Variants in OR4Q3 observed in about 807,000 individuals in gnomAD.
OR4Q3 encodes olfactory receptor family 4 subfamily Q member 3, also known as olfactory receptor 4Q3.
In OR4Q3, 17 loss-of-function variants were observed where a neutral mutation model predicts 18.8. That is an observed-to-expected ratio of 0.91 (90% CI 0.62 to 1.36). The LOEUF is 1.36. Ranked by LOEUF, OR4Q3 falls within the 40% of genes most tolerant of loss-of-function variation. The pLI, the probability that OR4Q3 is intolerant of heterozygous loss-of-function variation, is 0.00. For missense variants in OR4Q3, 378 were observed against 373.4 expected (o/e 1.01, Z -0.10); for synonymous variants, 158 against 145.8 (o/e 1.08, Z -0.60).
At chr14:19,744,833 A>G in intron 1 of OR4Q3, among the ~76,000 whole-genome samples, 17 of 152,144 alleles carry the variant, frequency 1.1e-4, no homozygotes, top group Admixed American at 5.9e-4. Flanking sequence ...TGGGGTGTAG[A>G]CATTCCTTCA....
At chr14:19,750,814 T>TA, downstream of OR4Q3, among the ~76,000 whole-genome samples, 169 of 152,354 alleles carry the variant, frequency 1.1e-3, no homozygotes, top group African/African-American at 3.8e-3. Flanking sequence ...GAGAATGACA[T>TA]ACCTGGAACA....
exon 2 of OR4Q3, chr14:19,748,533 G>C: frequency 1.6e-6 from 1 of 625,488 alleles, no homozygotes; most frequent in African/African-American, 1.9e-5. Context: ...AGCATAGGTG[G>C]CACTCTAGAA....
intron 1 of OR4Q3, among the ~76,000 whole-genome samples, chr14:19,746,049 A>T: frequency 6.6e-6 from 1 of 151,972 alleles, no homozygotes; most frequent in East Asian, 1.9e-4. Context: ...TTGTCATTAG[A>T]GGTTTTCATT....
At chr14:19,748,449 C>A in exon 2 of OR4Q3, 3 of 1,034,488 alleles carry the variant, frequency 2.9e-6, no homozygotes, top group Non-Finnish European at 2.8e-6. Context: ...GGGTAAAAAC[C>A]ACTTTGATGA....
downstream of OR4Q3, chr14:19,749,563 C>T: frequency 3.9e-5 from 5 of 127,116 alleles, no homozygotes; most frequent in East Asian, 1.2e-3. Context: ...CGCACCACTG[C>T]ACTCCAGCCT....
exon 2 of OR4Q3, chr14:19,748,152 C>T: frequency 9.3e-6 from 15 of 1,613,956 alleles, no homozygotes; most frequent in East Asian, 2.2e-5. Context: ...TCTACCTGTG[C>T]TTCTCACCTG....
chr14:19,744,896 A>T, intron 1 of OR4Q3, among the ~76,000 whole-genome samples: 10,620 of 151,012 alleles, frequency 0.07, 199 homozygotes, highest in African/African-American at 0.13. Flanking sequence ...CACAGGCTTA[A>T]TTTCTTATTG....
At chr14:19,749,991 C>CT, downstream of OR4Q3, among the ~76,000 whole-genome samples, 96,335 of 137,690 alleles carry the variant, frequency 0.7, 30,165 homozygotes, top group South Asian at 0.82. Context: ...CTTTCTTCTT[C>CT]TTTTTTTTTT....
exon 2 of OR4Q3, chr14:19,747,444 A>T: frequency 5.0e-6 from 8 of 1,605,096 alleles, no homozygotes; most frequent in East Asian, 4.5e-5. Context: ...AAAGAACAAG[A>T]TTCTAATGTG....
chr14:19,750,199 G>C, downstream of OR4Q3, among the ~76,000 whole-genome samples: 2 of 152,034 alleles, frequency 1.3e-5, no homozygotes, highest in Non-Finnish European at 2.9e-5. Flanking sequence ...TGGCCAGACT[G>C]GTCTTGAACT....
chr14:19,747,027 T>G, intron 1 of OR4Q3, among the ~76,000 whole-genome samples: 7,413 of 151,148 alleles, frequency 0.049, 157 homozygotes, highest in Admixed American at 0.095. Context: ...TTTATTTTCT[T>G]GCCTGAGAGT....
exon 2 of OR4Q3, chr14:19,748,651 T>C: frequency 7.0e-6 from 3 of 428,324 alleles, no homozygotes; most frequent in Non-Finnish European, 1.3e-5. Flanking sequence ...TTTCTATCTT[T>C]ATGTCTCTAA....
At position 19,748,146 on chromosome 14, in the gene OR4Q3, CCT is replaced by C; in HGVS notation, c.744_745del (p.Ala250PhefsTer28). ...CAGGGCCAGAACAAGGTCTTCTCTA[CCT>C]GTGCTTCTCACCTGACAGTGGTCAG... On this transcript the variant is annotated frameshift_variant, in exon 2 of 2. Coordinates refer to ENST00000642117, the Ensembl canonical transcript of OR4Q3. LOFTEE classifies it high-confidence loss of function. The C allele has an allele frequency of 1.9e-6, 3 of 1,613,956 alleles. No individual in the cohort carries two copies. In the Admixed American group the frequency reaches 5.0e-5, roughly 27 times the overall value.
At chr14:19,746,720 C>T in intron 1 of OR4Q3, among the ~76,000 whole-genome samples, 1 of 152,170 alleles carries the variant, frequency 6.6e-6, no homozygotes, top group Non-Finnish European at 1.5e-5. Flanking sequence ...TGTTTCAATC[C>T]TTCCTAAATG....
chr14:19,748,385 G>C lies in OR4Q3; in HGVS notation c.*16G>C. The C allele has an allele frequency of 2.4e-5, 37 of 1,561,454 alleles. No homozygotes were observed. In the South Asian group the frequency reaches 4.0e-4, roughly 17 times the overall value. On this transcript the variant is annotated 3_prime_UTR_variant, in exon 2 of 2. Coordinates refer to ENST00000642117, the Ensembl canonical transcript of OR4Q3. ...GCCTTGTTAAGGAATGAGCAGAAGA[G>C]GTGATTTGAAAAACACACTCTTTCT...
At chr14:19,750,105 C>T, downstream of OR4Q3, among the ~76,000 whole-genome samples, 1 of 152,112 alleles carries the variant, frequency 6.6e-6, no homozygotes, top group Non-Finnish European at 1.5e-5. Context: ...TTGCCTCAGC[C>T]TCCCAAGTAG....
In OR4Q3 at chr14:19,747,524, T is replaced by G; in HGVS notation, c.121T>G (p.Phe41Val). ...GCTATTTCTCTTCTTACTATTTTTG[T>G]TTTTTTACATTGCTATTGTCCTGGG... The change falls in exon 2 of 2, where the codon TTT becomes GTT. Residue 41 changes from phenylalanine to valine, a missense_variant. Transcript: ENST00000642117. The G allele has an allele frequency of 1.9e-6, 3 of 1,613,468 alleles. No individual in the cohort carries two copies. The African/African-American group carries it at 4.0e-5, about 22-fold the overall frequency.
intron 1 of OR4Q3, among the ~76,000 whole-genome samples, chr14:19,745,274 A>T: frequency 6.6e-6 from 1 of 152,222 alleles, no homozygotes; most frequent in African/African-American, 2.4e-5. Flanking sequence ...TCAGGCTTAT[A>T]AATAGTTTGT....
chr14:19,743,963 G>T (rs1877371963), intron 1 of OR4Q3, among the ~76,000 whole-genome samples: 1 of 152,140 alleles, frequency 6.6e-6, no homozygotes, highest in East Asian at 1.9e-4. Context: ...GGAAGGCATG[G>T]GTTTCATGGC....
Sources: allele counts gnomAD v4.1 joint callset (sites outside exome capture counted in the v4.1 genomes callset), GRCh38; gene constraint gnomAD v4.1.1; transcripts MANE v1.5; gene names NCBI Gene and HGNC (gene_info 2026-07-23, HGNC 2026-07-21).